Variants in SOX6 observed in about 807,000 individuals in gnomAD.
SOX6 encodes the protein transcription factor SOX-6.
SOX6 carries 11 observed loss-of-function variants against 97.8 expected under a neutral mutation model. The observed-to-expected ratio is 0.11, with a 90% CI of 0.07 to 0.19. The LOEUF is 0.19. Among genes scored for constraint, SOX6 ranks in the 10% least tolerant of loss-of-function variants. The pLI, the probability that SOX6 is intolerant of heterozygous loss-of-function variation, is 1.00. For synonymous variants in SOX6, 360 were observed against 371.4 expected (o/e 0.97, Z 0.35); for missense variants, 810 against 1,039.5 (o/e 0.78, Z 3.04).
intron 6 of SOX6, among the ~76,000 whole-genome samples, chr11:16,173,371 T>C (rs1049578084): frequency 1.3e-5 from 2 of 151,780 alleles, no homozygotes; most frequent in African/African-American, 4.8e-5. Context: ...GTTGATTCCA[T>C]AGAAGAAGTA....
chr11:16,669,220 G>A (rs1847829984), intron 3 of SOX6, among the ~76,000 whole-genome samples: 2 of 152,236 alleles, frequency 1.3e-5, no homozygotes, highest in South Asian at 2.1e-4. Flanking sequence ...GGAATAAAAG[G>A]AAATCAATAA....
At chr11:16,650,420 A>C (rs1374535742) in intron 3 of SOX6, among the ~76,000 whole-genome samples, 1 of 152,144 alleles carries the variant, frequency 6.6e-6, no homozygotes, top group East Asian at 1.9e-4. Context: ...AAATTATATC[A>C]ACTATCATCT....
chr11:16,412,968 T>A (rs1420789087), intron 1 of SOX6, among the ~76,000 whole-genome samples: 1 of 152,144 alleles, frequency 6.6e-6, no homozygotes, highest in East Asian at 1.9e-4. Flanking sequence ...AAAAAGGCAG[T>A]TCCACCTCAA....
chr11:16,294,362 G>A (rs924110734), intron 3 of SOX6, among the ~76,000 whole-genome samples: 11 of 152,050 alleles, frequency 7.2e-5, no homozygotes, highest in Non-Finnish European at 1.6e-4. Context: ...AGATCTAGGA[G>A]TAAGTAGCAA....
At chr11:16,608,733 A>G (rs1262666834) in intron 4 of SOX6, among the ~76,000 whole-genome samples, 1 of 152,238 alleles carries the variant, frequency 6.6e-6, no homozygotes, top group Non-Finnish European at 1.5e-5. Context: ...ACAAATCACC[A>G]AAAAATTATT....
chr11:16,405,354 G>A (rs546903400), intron 1 of SOX6, among the ~76,000 whole-genome samples: 7 of 152,044 alleles, frequency 4.6e-5, no homozygotes, highest in East Asian at 1.9e-4. Flanking sequence ...ATGACCTACC[G>A]CCAGGTGACC....
intron 4 of SOX6, among the ~76,000 whole-genome samples, chr11:16,500,836 C>T (rs557388776): frequency 6.6e-6 from 1 of 152,158 alleles, no homozygotes; most frequent in African/African-American, 2.4e-5. Context: ...AAGAACATTC[C>T]ATGCTCATGG....
intron 1 of SOX6, among the ~76,000 whole-genome samples, chr11:16,463,502 G>A (rs1859971313): frequency 6.6e-6 from 1 of 152,214 alleles, no homozygotes; most frequent in Admixed American, 6.5e-5. Flanking sequence ...TATTGCAGGG[G>A]AGGAAGCTAT....
At chr11:16,319,331 A>G (rs1359081336) in intron 2 of SOX6, among the ~76,000 whole-genome samples, 1 of 152,162 alleles carries the variant, frequency 6.6e-6, no homozygotes, top group African/African-American at 2.4e-5. Flanking sequence ...ATACTTCAGC[A>G]CATTTTTCAT....
chr11:16,206,089 A>G (rs1441113151), intron 4 of SOX6, among the ~76,000 whole-genome samples: 2 of 152,110 alleles, frequency 1.3e-5, no homozygotes, highest in Non-Finnish European at 2.9e-5. Flanking sequence ...AAATGTATGT[A>G]TGTTGTATAT....
chr11:15,989,782 T>A (rs1367710362), intron 13 of SOX6, among the ~76,000 whole-genome samples: 1 of 152,200 alleles, frequency 6.6e-6, no homozygotes, highest in African/African-American at 2.4e-5. Context: ...TACTATAACC[T>A]AGGTTTTATG....
At chr11:16,313,609 C>G (rs185485702) in intron 3 of SOX6, 15 of 152,190 alleles carry the variant, frequency 9.9e-5, no homozygotes, top group Admixed American at 2.6e-4. Flanking sequence ...ATTTGAGAAG[C>G]AGAAATCTAT....
intron 6 of SOX6, among the ~76,000 whole-genome samples, chr11:16,142,259 C>T (rs943863193): frequency 1.3e-4 from 20 of 152,146 alleles, no homozygotes; most frequent in Admixed American, 9.8e-4. Flanking sequence ...AGTGGACCTC[C>T]AGCAAACTCC....
rs1345848179 is a variant in SOX6, at chr11:16,318,551, T to C, written c.340A>G (p.Ser114Gly). The C allele has an allele frequency of 6.2e-7, 1 of 1,613,760 alleles. No individual in the cohort carries two copies. Among genetic ancestry groups the C allele is most frequent in the Non-Finnish European group, 8.5e-7 (1 of 1,179,812 alleles). ...EGSRDREIMT[S>G]VTFGTPERRK... ...CGCTCTGGGGTTCCAAAAGTAACAC[T>C]GGTCATTATCTCACGGTCCCGACTC... The change falls in exon 3 of 16, where the codon AGT (serine) becomes GGT (glycine). Residue 114 changes from serine to glycine, a missense_variant. Coordinates refer to ENST00000683767, the MANE Select transcript of SOX6 (RefSeq NM_001367873.1).
At chr11:16,439,720 G>A (rs1859466173) in intron 1 of SOX6, among the ~76,000 whole-genome samples, 1 of 152,152 alleles carries the variant, frequency 6.6e-6, no homozygotes, top group Admixed American at 6.6e-5. Context: ...CATTCCCTGT[G>A]TAAGAAATTG....
At chr11:15,976,367 T>C (rs988444140) in intron 15 of SOX6, among the ~76,000 whole-genome samples, 5 of 152,212 alleles carry the variant, frequency 3.3e-5, no homozygotes, top group African/African-American at 4.8e-5. Flanking sequence ...CCTCTCCTCG[T>C]CTATAAATTA....
intron 15 of SOX6, among the ~76,000 whole-genome samples, chr11:15,978,802 T>A (rs1356546200): frequency 1.5e-5 from 2 of 136,990 alleles, no homozygotes; most frequent in Non-Finnish European, 3.1e-5. Flanking sequence ...TATAAATATA[T>A]ATCTATATAT....
chr11:16,565,333 GAA>G (rs1180648237), intron 4 of SOX6, among the ~76,000 whole-genome samples: 1 of 151,912 alleles, frequency 6.6e-6, no homozygotes, highest in East Asian at 1.9e-4. Context: ...CCCCCAAAAA[GAA>G]ATCCCCAGGC....
rs75943104 is a variant in SOX6, at chr11:16,223,534, G to C, written c.535+11048C>G. Among the ~76,000 whole-genome samples the C allele has an allele frequency of 4.3e-4, 66 of 152,146 alleles. 2 individuals are homozygous for C. In the East Asian group the frequency reaches 9.5e-3, roughly 22 times the overall value. On this transcript the variant is annotated intron_variant, in intron 4 of 15. Transcript: ENST00000683767. ...ATCTATAGGTGTGTATTAATGTATG[G>C]ATGTATAGATGTAGATATAGATGTT...
Sources: gnomAD v4.1 joint callset for allele counts (sites outside exome capture counted in the v4.1 genomes callset) on GRCh38, gnomAD v4.1.1 for gene constraint, MANE v1.5 for transcripts, NCBI Gene and HGNC (gene_info 2026-07-23, HGNC 2026-07-21) for gene names.